DCPH1: variants seen among roughly 807,000 people sequenced by gnomAD.
The protein encoded by DCPH1 is damage control phosphatase 1, also known as damage-control phosphatase 1.
chr6:151,454,647 C>T, the DCPH1 span: 14 of 1,477,866 alleles, frequency 9.5e-6, no homozygotes, highest in Non-Finnish European at 3.8e-6. Context: ...TTGAGAAACA[C>T]GGAGAGGTAA....
the DCPH1 span, among the ~76,000 whole-genome samples, chr6:151,455,832 G>A: frequency 6.6e-6 from 1 of 152,272 alleles, no homozygotes; most frequent in Non-Finnish European, 1.5e-5. Context: ...CACATGGGGA[G>A]AAACCTTGGA....
chr6:151,460,861 G>A, the DCPH1 span, among the ~76,000 whole-genome samples: 1 of 152,164 alleles, frequency 6.6e-6, no homozygotes, highest in African/African-American at 2.4e-5. Context: ...CAGAACAGCA[G>A]AAGATGTAAG....
At chr6:151,461,255 G>A in the DCPH1 span, among the ~76,000 whole-genome samples, 1 of 152,174 alleles carries the variant, frequency 6.6e-6, no homozygotes, top group African/African-American at 2.4e-5. Context: ...GAGGAATGCT[G>A]TTTCTGAGTT....
the DCPH1 span, among the ~76,000 whole-genome samples, chr6:151,456,216 T>A: frequency 6.6e-6 from 1 of 152,206 alleles, no homozygotes; most frequent in Non-Finnish European, 1.5e-5. Context: ...TTTAAACTTG[T>A]AGGTTCAGTA....
the DCPH1 span, chr6:151,454,574 A>G: frequency 6.4e-7 from 1 of 1,555,108 alleles, no homozygotes; most frequent in African/African-American, 1.4e-5. Context: ...ACAATTAAAG[A>G]CAGAATACCA....
the DCPH1 span, among the ~76,000 whole-genome samples, chr6:151,453,201 T>C: frequency 1.3e-5 from 2 of 152,302 alleles, no homozygotes; most frequent in African/African-American, 2.4e-5. Context: ...GGCCCCAAAT[T>C]GAGGCAGTCA....
the DCPH1 span, among the ~76,000 whole-genome samples, chr6:151,461,738 G>A: frequency 1.3e-5 from 2 of 152,206 alleles, no homozygotes; most frequent in Non-Finnish European, 2.9e-5. Flanking sequence ...ATTTATCTGG[G>A]GTGGGGCCTG....
the DCPH1 span, among the ~76,000 whole-genome samples, chr6:151,458,779 C>A: frequency 6.6e-6 from 1 of 152,122 alleles, no homozygotes; most frequent in Non-Finnish European, 1.5e-5. Context: ...ATAGCTGTTA[C>A]CAATTTAACA....
At chr6:151,452,847 C>T in the DCPH1 span, 1 of 421,818 alleles carries the variant, frequency 2.4e-6, no homozygotes, top group Non-Finnish European at 4.2e-6. Context: ...TCCTGGCGGT[C>T]ACTTTTTATT....
chr6:151,465,042 G>A, the DCPH1 span, among the ~76,000 whole-genome samples: 82,518 of 152,056 alleles, frequency 0.54, 25,088 homozygotes, highest in African/African-American at 0.82. Context: ...AGGATAATGT[G>A]TACTGTGTAA....
the DCPH1 span, among the ~76,000 whole-genome samples, chr6:151,466,580 C>G: frequency 6.6e-6 from 1 of 152,160 alleles, no homozygotes; most frequent in Non-Finnish European, 1.5e-5. Context: ...GAATGTTGAT[C>G]TCTTTCAAAA....
At chr6:151,458,485 G>A in the DCPH1 span, 17 of 1,613,286 alleles carry the variant, frequency 1.1e-5, no homozygotes, top group East Asian at 8.9e-5. Context: ...TTAAATGAAA[G>A]TGATGGAAAA....
chr6:151,468,546 T>G, the DCPH1 span: 1 of 1,614,062 alleles, frequency 6.2e-7, no homozygotes, highest in South Asian at 1.1e-5. Context: ...TTCTCGATAA[T>G]TCTGGATTTG....
the DCPH1 span, chr6:151,464,507 T>C: frequency 6.2e-7 from 1 of 1,610,642 alleles, no homozygotes; most frequent in Non-Finnish European, 8.5e-7. Flanking sequence ...AAAATTTCTA[T>C]GGGTCACAGG....
chr6:151,455,696 C>T, the DCPH1 span, among the ~76,000 whole-genome samples: 1 of 152,318 alleles, frequency 6.6e-6, no homozygotes, highest in East Asian at 1.9e-4. Context: ...ATGCCTTCCT[C>T]TTGTCTCAAC....
the DCPH1 span, chr6:151,464,372 A>G: frequency 4.4e-6 from 4 of 905,178 alleles, no homozygotes; most frequent in Non-Finnish European, 6.9e-6. Context: ...TTGAGACTGT[A>G]TGGTGCTATT....
chr6:151,458,498 AAGATGGTTCTACTC>A, the DCPH1 span: 1 of 1,613,160 alleles, frequency 6.2e-7, no homozygotes, highest in African/African-American at 1.3e-5. Context: ...ATGGAAAATC[AAGATGGTTCTACTC>A]ACCGTGGTTG....
the DCPH1 span, among the ~76,000 whole-genome samples, chr6:151,457,580 A>G: frequency 1.4e-4 from 21 of 152,314 alleles, no homozygotes; most frequent in East Asian, 3.9e-3. Flanking sequence ...TTCTAGCAGC[A>G]AAATAAATTG....
the DCPH1 span, chr6:151,464,634 A>T: frequency 2.6e-6 from 4 of 1,566,734 alleles, no homozygotes; most frequent in South Asian, 3.5e-5. Flanking sequence ...TGTGATCATT[A>T]ATCTTCTGAG....
Sources: gnomAD v4.1 joint callset for allele counts (sites outside exome capture counted in the v4.1 genomes callset) on GRCh38, gnomAD v4.1.1 for gene constraint, MANE v1.5 for transcripts, NCBI Gene and HGNC (gene_info 2026-07-23, HGNC 2026-07-21) for gene names.